The following DAB2IP variants were observed in gnomAD, a reference collection of about 807,000 sequenced individuals.
The protein encoded by DAB2IP is DAB2 interacting protein.
DAB2IP carries 28 observed loss-of-function variants against 107.2 expected under a neutral mutation model. The observed-to-expected ratio is 0.26, with a 90% CI of 0.19 to 0.36. The LOEUF (loss-of-function observed/expected upper bound fraction) is 0.36. Among genes scored for constraint, DAB2IP ranks in the 10% least tolerant of loss-of-function variants. DAB2IP has a pLI of 1.00. For missense variants in DAB2IP, 1,400 were observed against 1,644.7 expected (o/e 0.85, Z 2.57); for synonymous variants, 755 against 706.4 (o/e 1.07, Z -1.09).
chr9:121,675,447 C>T (rs1264813541), intron 1 of DAB2IP, among the ~76,000 whole-genome samples: 1 of 152,160 alleles, frequency 6.6e-6, no homozygotes, highest in African/African-American at 2.4e-5. Flanking sequence ...TAGAAGCAGT[C>T]GGGCTTAGGG....
chr9:121,724,548 C>T (rs768330906), intron 3 of DAB2IP, among the ~76,000 whole-genome samples: 12 of 152,230 alleles, frequency 7.9e-5, no homozygotes, highest in Admixed American at 2.6e-4. Flanking sequence ...CTAGACTGTA[C>T]GCCACATGCA....
chr9:121,724,940 A>G (rs1347112819), intron 3 of DAB2IP, among the ~76,000 whole-genome samples: 2 of 152,042 alleles, frequency 1.3e-5, no homozygotes, highest in African/African-American at 4.8e-5. Context: ...AGGGTCTGAG[A>G]GGGCCAGGGG....
chr9:121,579,793 C>T (rs543782431), intron 1 of DAB2IP, among the ~76,000 whole-genome samples: 113 of 152,302 alleles, frequency 7.4e-4, no homozygotes, highest in African/African-American at 2.1e-3. Context: ...AATGAATGAA[C>T]GAATGACTTG....
chr9:121,689,644 C>G (rs1317996570), intron 2 of DAB2IP, among the ~76,000 whole-genome samples: 1 of 152,170 alleles, frequency 6.6e-6, no homozygotes, highest in African/African-American at 2.4e-5. Context: ...TGGGGCCCCC[C>G]GGGCCAGCTG....
At chr9:121,710,863 C>T (rs1374904344) in intron 3 of DAB2IP, among the ~76,000 whole-genome samples, 2 of 152,190 alleles carry the variant, frequency 1.3e-5, no homozygotes, top group African/African-American at 4.8e-5. Flanking sequence ...GTGCTGCAGG[C>T]CACACTGCCC....
intron 1 of DAB2IP, among the ~76,000 whole-genome samples, chr9:121,657,516 G>A (rs544453753): frequency 6.6e-6 from 1 of 152,336 alleles, no homozygotes; most frequent in South Asian, 2.1e-4. Flanking sequence ...GCAGGTAGGG[G>A]TTATTGTTGT....
chr9:121,645,725 T>C lies in DAB2IP; in HGVS notation c.41-32953T>C, dbSNP rs529797111. Among the ~76,000 whole-genome samples, 3 of 152,318 alleles carry C rather than the reference T, an allele frequency of 2.0e-5. No individual in the cohort carries two copies. The East Asian group carries it at 5.8e-4, about 29-fold the overall frequency. ...AGCAGCTGATTTTGAGGGCCTCAGCTTCCCCCGTTCATCAGTTTCTCTCAA... is the reference window on the plus strand; with the variant it reads ...AGCAGCTGATTTTGAGGGCCTCAGCCTCCCCCGTTCATCAGTTTCTCTCAA... On this transcript the variant is annotated intron_variant, in intron 1 of 16. Coordinates refer to the DAB2IP transcript ENST00000259371.
exon 16 of DAB2IP, chr9:121,783,630 G>A: frequency 3.9e-6 from 6 of 1,543,358 alleles, no homozygotes; most frequent in Non-Finnish European, 5.4e-6. Flanking sequence ...AGCGGCCCTG[G>A]AGGATGTTAG....
chr9:121,775,704 C>G (rs1217971955), intron 13 of DAB2IP, among the ~76,000 whole-genome samples: 2 of 152,164 alleles, frequency 1.3e-5, no homozygotes, highest in Non-Finnish European at 2.9e-5. Context: ...ATGCCACTGC[C>G]ACCCCCTGGC....
In DAB2IP at chr9:121,722,180, A is replaced by G. The variant is rs545203501; in HGVS notation, c.362+22722A>G. ...GGGGCTGTCGATCTCTCCGTTGTCC[A>G]TGCATGCATGTGACCTCCCCTGCCA... On this transcript the variant is annotated intron_variant, in intron 3 of 15. Transcript: ENST00000408936. 9.1e-4 allele frequency among the ~76,000 whole-genome samples: 138 copies of G among 152,356 alleles called. 3 individuals are homozygous for G. The South Asian group carries it at 0.028, about 31-fold the overall frequency.
chr9:121,748,487 G>A (rs1832873353), intron 3 of DAB2IP, among the ~76,000 whole-genome samples: 1 of 152,210 alleles, frequency 6.6e-6, no homozygotes, highest in Admixed American at 6.5e-5. Flanking sequence ...ACGTCCTAAA[G>A]CTTCCATTGA....
chr9:121,761,897 G>T (rs1339303462), intron 6 of DAB2IP, among the ~76,000 whole-genome samples: 1 of 152,160 alleles, frequency 6.6e-6, no homozygotes, highest in Non-Finnish European at 1.5e-5. Flanking sequence ...TGATGTTTCA[G>T]TACCTGGTTC....
chr9:121,691,854 G>A (rs1038240409), intron 2 of DAB2IP, among the ~76,000 whole-genome samples: 4 of 152,230 alleles, frequency 2.6e-5, no homozygotes, highest in African/African-American at 7.2e-5. Flanking sequence ...AATTTCAGCT[G>A]TACTGATGGG....
chr9:121,783,647 T>C, exon 16 of DAB2IP: 1 of 1,462,060 alleles, frequency 6.8e-7, no homozygotes, highest in Non-Finnish European at 9.6e-7. Context: ...TTAGACTTGC[T>C]CCCTCTCCAA....
chr9:121,776,475 C>G lies in DAB2IP; in HGVS notation c.3314+84C>G. On this transcript the variant is annotated intron_variant, in intron 14 of 15. Transcript: ENST00000408936. The surrounding 1 kb of genome is among the most constrained non-coding windows in gnomAD (Gnocchi z 5.4). ...TTCGAGGAGGCCCCTGGTCGGGGAG[C>G]CTCCTCAAAGGATAAGCTGAATGTG... The G allele has an allele frequency of 1.4e-6, 2 of 1,385,370 alleles. No homozygotes were observed. The highest frequency in any genetic ancestry group is 1.9e-6 in the Non-Finnish European group (2 of 1,041,892). 85.8% of individuals were successfully genotyped at this position (1,385,370 alleles called of 1,614,324 possible).
chr9:121,716,213 G>T (rs535792644), intron 3 of DAB2IP, among the ~76,000 whole-genome samples: 112 of 152,314 alleles, frequency 7.4e-4, no homozygotes, highest in African/African-American at 2.6e-3. Context: ...TGGTGGTAGT[G>T]GAGTATACTT....
intron 13 of DAB2IP, among the ~76,000 whole-genome samples, chr9:121,775,079 C>T (rs569574383): frequency 4.6e-5 from 7 of 152,350 alleles, no homozygotes; most frequent in African/African-American, 1.7e-4. Flanking sequence ...GTTGGTCTCC[C>T]AAGCCTTCCA....
chr9:121,708,074 T>A lies in DAB2IP; in HGVS notation c.362+8616T>A, dbSNP rs575905771. ...ACCCCAGACCTTCTGAATTATACCC[T>A]CTGGGTGGGGTGGTCTTGCTTCCCC... On this transcript the variant is annotated intron_variant, in intron 3 of 15. Coordinates refer to ENST00000408936, the Ensembl canonical transcript of DAB2IP. 2.6e-5 allele frequency among the ~76,000 whole-genome samples: 4 copies of A among 152,308 alleles called. No individual in the cohort carries two copies. In the East Asian group the frequency reaches 5.8e-4, roughly 22 times the overall value.
Position 121,782,345 on chromosome 9 carries a change from C to T in DAB2IP, c.3417C>T (p.Ala1139=). ...ATTGTCCACAGGAGAAGCGCATTGC[C>T]TCGTTGGATGCCGCCAATGCCCGCC... Residue 1139 remains alanine, a synonymous_variant, in exon 16 of 16, where the codon GCC becomes GCT. Transcript: ENST00000408936. This position sits in a 1 kb window ranked among gnomAD's most constrained non-coding sequence, Gnocchi z 6.1. 1 of 1,613,972 alleles carries T rather than the reference C, an allele frequency of 6.2e-7. No individual in the cohort carries two copies. Among genetic ancestry groups the T allele is most frequent in the South Asian group, 1.1e-5 (1 of 91,068 alleles).
Sources: allele counts gnomAD v4.1 joint callset (sites outside exome capture counted in the v4.1 genomes callset), GRCh38; gene constraint gnomAD v4.1.1; non-coding constraint Gnocchi (gnomAD v3.1); transcripts MANE v1.5; gene names NCBI Gene and HGNC (gene_info 2026-07-23, HGNC 2026-07-21).